The following FMNL2 variants were observed in gnomAD, a reference collection of about 807,000 sequenced individuals.
FMNL2 encodes the protein formin like 2, also known as formin-like protein 2.
Under a neutral mutation model 130.2 loss-of-function variants are expected in FMNL2, and 51 were observed. The ratio of observed to expected loss-of-function variants is 0.39; its 90% CI spans 0.31 to 0.49. The LOEUF (loss-of-function observed/expected upper bound fraction) is 0.49. Among genes scored for constraint, FMNL2 ranks in the 20% least tolerant of loss-of-function variants. The probability of loss-of-function intolerance (pLI) is 0.85; values close to 1 mark genes in which losing one functional copy is unlikely to be tolerated. For synonymous variants in FMNL2, 465 were observed against 467.1 expected, an observed-to-expected ratio of 1.00 and a Z score of 0.06; for missense variants, 977 against 1,316.2, an observed-to-expected ratio of 0.74 and a Z score of 3.99.
At chr2:152,602,934 T>G (rs1698164214) in intron 9 of FMNL2, among the ~76,000 whole-genome samples, 1 of 152,086 alleles carries the variant, frequency 6.6e-6, no homozygotes, top group African/African-American at 2.4e-5. Context: ...ACCCAGTGCG[T>G]GGGGGTGCTC....
At chr2:152,569,381 T>C (rs1296873341) in intron 6 of FMNL2, among the ~76,000 whole-genome samples, 1 of 152,106 alleles carries the variant, frequency 6.6e-6, no homozygotes, top group East Asian at 1.9e-4. Flanking sequence ...TCTTTCCCTA[T>C]AGCGCCTGCT....
chr2:152,469,660 A>G (rs926708060), intron 1 of FMNL2, among the ~76,000 whole-genome samples: 14 of 152,226 alleles, frequency 9.2e-5, no homozygotes, highest in African/African-American at 2.9e-4. Context: ...GAGGTCATCA[A>G]TTGAAAATTC....
At chr2:152,539,569 C>T (rs1694189184) in intron 2 of FMNL2, 1 of 152,212 alleles carries the variant, frequency 6.6e-6, no homozygotes. Flanking sequence ...TTTCTTAATA[C>T]ATCAGTAAGC....
At chr2:152,512,972 A>G (rs779689483) in intron 1 of FMNL2, among the ~76,000 whole-genome samples, 5 of 152,224 alleles carry the variant, frequency 3.3e-5, no homozygotes, top group African/African-American at 7.2e-5. Flanking sequence ...CACGTGCACA[A>G]ACACCCTCCA....
intron 9 of FMNL2, among the ~76,000 whole-genome samples, chr2:152,597,830 G>T (rs1697846959): frequency 6.6e-6 from 1 of 152,196 alleles, no homozygotes; most frequent in Admixed American, 6.5e-5. Flanking sequence ...GGGTGGAAGT[G>T]GTTCCAATTG....
chr2:152,625,703 A>G (rs1681739641), intron 16 of FMNL2, 141 bp downstream of exon 16: 2 of 983,700 alleles, frequency 2.0e-6, no homozygotes, highest in East Asian at 2.5e-5. Flanking sequence ...TGTATGTAAT[A>G]TTGGAGAATA....
At chr2:152,492,480 GT>G in intron 1 of FMNL2, among the ~76,000 whole-genome samples, 1 of 152,292 alleles carries the variant, frequency 6.6e-6, no homozygotes, top group South Asian at 2.1e-4. Flanking sequence ...TGTCATTACA[GT>G]TTTGGCTTTT....
At chr2:152,445,751 A>G (rs2106149873) in intron 1 of FMNL2, among the ~76,000 whole-genome samples, 1 of 152,260 alleles carries the variant, frequency 6.6e-6, no homozygotes, top group African/African-American at 2.4e-5. Flanking sequence ...GCCTGGAGGA[A>G]GCCACATTTG....
chr2:152,587,006 A>G (rs994675585), intron 9 of FMNL2, among the ~76,000 whole-genome samples: 7 of 152,118 alleles, frequency 4.6e-5, no homozygotes, highest in African/African-American at 1.7e-4. Flanking sequence ...TTTCACCCAC[A>G]TACCTAGTTT....
chr2:152,392,603 A>G (rs972841606), intron 1 of FMNL2, among the ~76,000 whole-genome samples: 1 of 152,220 alleles, frequency 6.6e-6, no homozygotes, highest in Non-Finnish European at 1.5e-5. Context: ...CAAGTCATCC[A>G]AATGCGGAGT....
chr2:152,472,446 G>A (rs1231250868), intron 1 of FMNL2, among the ~76,000 whole-genome samples: 1 of 152,056 alleles, frequency 6.6e-6, no homozygotes, highest in Non-Finnish European at 1.5e-5. Flanking sequence ...TACAAAGCCT[G>A]GCCAGACCTG....
intron 1 of FMNL2, 29 bp from the exon 2 acceptor site, chr2:152,521,914 T>A: frequency 6.3e-7 from 1 of 1,575,494 alleles, no homozygotes; most frequent in South Asian, 1.1e-5. Flanking sequence ...GAATGTGACA[T>A]CTTTTCTCTC....
chr2:152,421,883 A>G (rs1686943080), intron 1 of FMNL2, among the ~76,000 whole-genome samples: 1 of 152,200 alleles, frequency 6.6e-6, no homozygotes, highest in African/African-American at 2.4e-5. Flanking sequence ...AGTAATTGCT[A>G]TTACTGCACT....
intron 1 of FMNL2, among the ~76,000 whole-genome samples, chr2:152,517,429 C>A (rs1029042691): frequency 1.3e-5 from 2 of 152,084 alleles, no homozygotes; most frequent in African/African-American, 4.8e-5. Context: ...AAAAATTGTT[C>A]TTGAAGCACT....
chr2:152,380,210 A>G (rs1684386859), intron 1 of FMNL2, among the ~76,000 whole-genome samples: 1 of 152,336 alleles, frequency 6.6e-6, no homozygotes, highest in African/African-American at 2.4e-5. Context: ...TACCTGGCAC[A>G]TAGAAAGCAT....
chr2:152,599,732 A>G (rs1034393381), intron 9 of FMNL2, among the ~76,000 whole-genome samples: 12 of 152,166 alleles, frequency 7.9e-5, no homozygotes, highest in Non-Finnish European at 1.8e-4. Flanking sequence ...CAAATGTTGT[A>G]TTTATGAAGG....
intron 1 of FMNL2, among the ~76,000 whole-genome samples, chr2:152,476,274 ATTAC>A (rs1690147669): frequency 6.6e-6 from 1 of 152,212 alleles, no homozygotes; most frequent in Admixed American, 6.5e-5. Flanking sequence ...ATATATTTGT[ATTAC>A]TTAAAGCACC....
chr2:152,339,454 T>C (rs1434290395), intron 1 of FMNL2, among the ~76,000 whole-genome samples: 1 of 152,244 alleles, frequency 6.6e-6, no homozygotes, highest in Non-Finnish European at 1.5e-5. Flanking sequence ...ATAATATTAT[T>C]CACTCATTTT....
In FMNL2 at chr2:152,558,722, T is replaced by C; in HGVS notation, c.360-18T>C. 1.3e-6 allele frequency: 2 copies of C among 1,591,654 alleles called. No individual in the cohort carries two copies. The highest frequency in any genetic ancestry group is 1.7e-6 in the Non-Finnish European group (2 of 1,172,792). On this transcript the variant is annotated intron_variant, in intron 4 of 25. Transcript: ENST00000288670. ...TGATCAATTTCTCCAATGATTTTTT[T>C]TTTTTTTTCCCCAACAGATGGGTCA...
Sources: gnomAD v4.1 joint callset for allele counts (sites outside exome capture counted in the v4.1 genomes callset) on GRCh38, gnomAD v4.1.1 for gene constraint, MANE v1.5 for transcripts, NCBI Gene and HGNC (gene_info 2026-07-23, HGNC 2026-07-21) for gene names.